The following UHRF2 variants were observed in gnomAD, a reference collection of about 807,000 sequenced individuals.
The protein encoded by UHRF2 is E3 ubiquitin-protein ligase UHRF2.
In UHRF2, 23 loss-of-function variants were observed where a neutral mutation model predicts 96.8. That is an observed-to-expected ratio of 0.24 (90% CI 0.17 to 0.34). The LOEUF (loss-of-function observed/expected upper bound fraction) is 0.34. Ranked by LOEUF, UHRF2 falls within the 10% of genes least tolerant of loss-of-function variation. The pLI is 1.00. For missense variants in UHRF2, 685 were observed against 981.5 expected (o/e 0.70, Z 4.04); for synonymous variants, 385 against 332.6 (o/e 1.16, Z -1.72).
chr9:6,463,207 G>A (rs1416516599), intron 4 of UHRF2, among the ~76,000 whole-genome samples: 1 of 151,672 alleles, frequency 6.6e-6, no homozygotes, highest in Non-Finnish European at 1.5e-5. Flanking sequence ...CTTGAACCTG[G>A]GAGGCGCAGA....
At chr9:6,464,292 T>C (rs894596690) in intron 4 of UHRF2, among the ~76,000 whole-genome samples, 1 of 152,218 alleles carries the variant, frequency 6.6e-6, no homozygotes, top group African/African-American at 2.4e-5. Context: ...AATTAAATAA[T>C]GTGTCTGATT....
intron 3 of UHRF2, among the ~76,000 whole-genome samples, chr9:6,452,927 A>C (rs1870696): frequency 0.11 from 16,774 of 152,182 alleles, 1,245 homozygotes; most frequent in East Asian, 0.26. Flanking sequence ...ATTAGGTAAC[A>C]TTTGAGCGCA....
chr9:6,491,825 G>A (rs746723302), intron 9 of UHRF2, among the ~76,000 whole-genome samples: 1 of 152,190 alleles, frequency 6.6e-6, no homozygotes, highest in African/African-American at 2.4e-5. Flanking sequence ...TGCCTGCCAG[G>A]CACAATTTAA....
At chr9:6,416,160 T>C (rs1173973162) in intron 1 of UHRF2, among the ~76,000 whole-genome samples, 1 of 151,712 alleles carries the variant, frequency 6.6e-6, no homozygotes, top group Non-Finnish European at 1.5e-5. Flanking sequence ...GCCTCCCGGG[T>C]TCAAGCGATT....
At chr9:6,456,159 G>A (rs1014439971) in intron 3 of UHRF2, among the ~76,000 whole-genome samples, 1 of 152,056 alleles carries the variant, frequency 6.6e-6, no homozygotes, top group Admixed American at 6.6e-5. Flanking sequence ...TTTTTAGAAT[G>A]TTTCTAGAGA....
chr9:6,455,759 A>G, intron 3 of UHRF2, among the ~76,000 whole-genome samples: 1 of 147,998 alleles, frequency 6.8e-6, no homozygotes, highest in East Asian at 2.0e-4. Flanking sequence ...CCAAGATGGG[A>G]GAATTGCTTC....
chr9:6,418,546 T>C (rs1259915626), intron 1 of UHRF2, among the ~76,000 whole-genome samples: 1 of 152,168 alleles, frequency 6.6e-6, no homozygotes, highest in African/African-American at 2.4e-5. Flanking sequence ...AGTTTTAAAT[T>C]CAGGACATAC....
chr9:6,465,186 A>G (rs1822785417), intron 4 of UHRF2, among the ~76,000 whole-genome samples: 1 of 152,194 alleles, frequency 6.6e-6, no homozygotes, highest in African/African-American at 2.4e-5. Flanking sequence ...AATAACTACA[A>G]TGTTTGATAT....
rs767665776 is a variant in UHRF2, at chr9:6,504,608, T to A, written c.2179T>A (p.Leu727Met). Reference protein sequence around the residue: ...LVEGPNFLKKLEQSFMCVCCQ... With the variant: ...LVEGPNFLKKMEQSFMCVCCQ... ...ACTGTTCTAGAATTTTCTGAAAAAA[T>A]TGGAACAATCTTTTATGTGCGTTTG... Residue 727 changes from leucine (L) to methionine (M), a missense_variant, in exon 15 of 16, where the codon TTG (leucine) becomes ATG (methionine). Leu to Met is a conservative substitution (Grantham distance 15). Coordinates refer to ENST00000276893, the MANE Select transcript of UHRF2 (RefSeq NM_152896.3). The A allele has an allele frequency of 1.9e-6, 3 of 1,613,180 alleles. No individual in the cohort carries two copies. The highest frequency in any genetic ancestry group is 2.5e-6 in the Non-Finnish European group (3 of 1,179,562).
chr9:6,504,015 CTTTTTTTTTTTTT>C (rs35325264), intron 14 of UHRF2, among the ~76,000 whole-genome samples: 24 of 78,942 alleles, frequency 3.0e-4, no homozygotes, highest in Admixed American at 1.6e-3. Flanking sequence ...AAATAGAAGA[CTTTTTTTTTTTTT>C]TTTTTTTTTT....
chr9:6,494,832 G>C (rs1289476647), intron 10 of UHRF2: 1 of 152,118 alleles, frequency 6.6e-6, no homozygotes, highest in African/African-American at 2.4e-5. Context: ...GAATATACCA[G>C]TATGATTTCA....
At chr9:6,427,391 A>G (rs905439584) in intron 2 of UHRF2, among the ~76,000 whole-genome samples, 2 of 152,178 alleles carry the variant, frequency 1.3e-5, no homozygotes, top group African/African-American at 4.8e-5. Flanking sequence ...ACAGTATGTT[A>G]AGATGAAATT....
At chr9:6,505,881 C>A (rs1248540864) in intron 15 of UHRF2, 152 bp from the exon 16 acceptor site, 2 of 713,350 alleles carry the variant, frequency 2.8e-6, no homozygotes, top group Non-Finnish European at 4.4e-6. Context: ...TGACTGTAGT[C>A]TTTTCCATAG....
chr9:6,476,797 G>T (rs143518610), intron 5 of UHRF2, among the ~76,000 whole-genome samples: 110 of 152,152 alleles, frequency 7.2e-4, no homozygotes, highest in African/African-American at 2.4e-3. Flanking sequence ...GTTTCACTGT[G>T]TTGGCCAGGT....
intron 3 of UHRF2, among the ~76,000 whole-genome samples, chr9:6,439,348 G>C (rs1361485037): frequency 2.0e-5 from 3 of 152,112 alleles, no homozygotes; most frequent in African/African-American, 7.2e-5. Context: ...GCTAATTTTT[G>C]TGTTTAGTAG....
rs372580959 is a variant in UHRF2 at position 6,425,673 on chromosome 9, G to A, written c.384+4531G>A. 2.1e-4 allele frequency among the ~76,000 whole-genome samples: 32 copies of A among 152,276 alleles called. 1 individual carries two copies. The East Asian group carries it at 5.8e-3, about 28-fold the overall frequency. ...AGCTACTCGGGAGGCTGAGGCAGGA[G>A]TATCACTTGAACCCAGGAAGCAGAG... On this transcript the variant is annotated intron_variant, in intron 2 of 15. Coordinates refer to ENST00000276893, the MANE Select transcript of UHRF2 (RefSeq NM_152896.3).
chr9:6,418,988 C>T lies in UHRF2; in HGVS notation c.154-1924C>T, dbSNP rs1819768794. Among the ~76,000 whole-genome samples the T allele has an allele frequency of 2.0e-5, 3 of 152,278 alleles. No individual in the cohort carries two copies. The South Asian group carries it at 6.2e-4, about 32-fold the overall frequency. ...CTCCAGTCACATGGCTGCCTTTTTCCTGTGTCTTCACATTGTCTTCCGGCT... is the reference window on the plus strand; with the variant it reads ...CTCCAGTCACATGGCTGCCTTTTTCTTGTGTCTTCACATTGTCTTCCGGCT... On this transcript the variant is annotated intron_variant, in intron 1 of 15. Transcript: ENST00000276893.
chr9:6,492,349 G>A lies in UHRF2; in HGVS notation c.1498-1477G>A, dbSNP rs1020250676. Reference sequence around the variant, plus strand: ...ATATTGTGGAGTCTGTCCAGATACCGGGTGGAAGACTGGTTTTGATCAGTT... The same window carrying A: ...ATATTGTGGAGTCTGTCCAGATACCAGGTGGAAGACTGGTTTTGATCAGTT... On this transcript the variant is annotated intron_variant, in intron 9 of 15. Transcript: ENST00000276893. 5.7e-6 allele frequency: 7 copies of A among 1,225,552 alleles called. No individual in the cohort carries two copies. The African/African-American group carries it at 6.2e-5, about 11-fold the overall frequency. The allele number at this position is 1,225,552 out of a possible 1,614,324, so 75.9% of individuals were successfully genotyped here.
chr9:6,487,070 T>A, intron 9 of UHRF2, 145 bp downstream of exon 9: 1 of 702,002 alleles, frequency 1.4e-6, no homozygotes, highest in Non-Finnish European at 2.4e-6. Flanking sequence ...AGTTAGAAAG[T>A]AAATCATTTG....
Sources: gnomAD v4.1 joint callset for allele counts (sites outside exome capture counted in the v4.1 genomes callset) on GRCh38, gnomAD v4.1.1 for gene constraint, MANE v1.5 for transcripts, NCBI Gene and HGNC (gene_info 2026-07-23, HGNC 2026-07-21) for gene names.